The following CCDC63 variants were observed in gnomAD, a reference collection of about 807,000 sequenced individuals.
The protein encoded by CCDC63 is coiled-coil domain containing 63.
In CCDC63, 54 loss-of-function variants were observed where a neutral mutation model predicts 63.6. The observed-to-expected ratio is 0.85, with a 90% CI of 0.68 to 1.07. The LOEUF (loss-of-function observed/expected upper bound fraction) is 1.07, where lower values mean the gene tolerates loss of function less well. Ranked by LOEUF, CCDC63 falls within the 50% of genes least tolerant of loss-of-function variation. CCDC63 has a pLI of 0.00. For missense variants in CCDC63, 637 were observed against 689.6 expected (o/e 0.92, Z 0.86); for synonymous variants, 253 against 266.1 (o/e 0.95, Z 0.48).
At chr12:110,884,892 T>A (rs2071259338) in intron 8 of CCDC63, among the ~76,000 whole-genome samples, 2 of 143,070 alleles carry the variant, frequency 1.4e-5, no homozygotes, top group African/African-American at 5.3e-5. Flanking sequence ...AGAGATGGGG[T>A]TTCATCATGT....
intron 10 of CCDC63, among the ~76,000 whole-genome samples, chr12:110,901,068 T>C (rs2071479572): frequency 6.6e-6 from 1 of 152,216 alleles, no homozygotes. Context: ...GGCAAAGCAA[T>C]GTGTTAGTGT....
At chr12:110,885,513 A>AC (rs1388627706) in intron 8 of CCDC63, among the ~76,000 whole-genome samples, 6 of 152,118 alleles carry the variant, frequency 3.9e-5, no homozygotes, top group African/African-American at 1.4e-4. Context: ...TTTGGCTTCT[A>AC]CCTGCCTTTG....
intron 4 of CCDC63, among the ~76,000 whole-genome samples, chr12:110,859,097 G>A (rs1332357711): frequency 2.0e-5 from 3 of 152,104 alleles, no homozygotes; most frequent in Non-Finnish European, 2.9e-5. Flanking sequence ...ACCCCCTCAC[G>A]CATTCTTAGT....
chr12:110,875,567 T>C (rs2071119820), intron 5 of CCDC63, among the ~76,000 whole-genome samples: 1 of 152,172 alleles, frequency 6.6e-6, no homozygotes, highest in African/African-American at 2.4e-5. Flanking sequence ...TCAGATGTTC[T>C]ATTCTTCTCG....
At position 110,905,871 on chromosome 12, in the gene CCDC63, TGTG is replaced by T. The variant is rs2071554153; in HGVS notation, c.1546+1081_1546+1083del. ...ATATGTGTGTGTGTATGTGTATATA[TGTG>T]TGTGTGTATATATATAATATTATAT... On this transcript the variant is annotated intron_variant, in intron 11 of 11. Transcript: ENST00000308208. 8.8e-5 allele frequency among the ~76,000 whole-genome samples: 9 copies of T among 101,798 alleles called. No individual in the cohort carries two copies. The South Asian group carries it at 1.7e-3, about 19-fold the overall frequency. The allele number at this position is 101,798 out of a possible 152,430, so 66.8% of individuals were successfully genotyped here.
At chr12:110,894,175 C>T (rs1186930270) in intron 9 of CCDC63, among the ~76,000 whole-genome samples, 1 of 150,086 alleles carries the variant, frequency 6.7e-6, no homozygotes, top group Admixed American at 6.7e-5. Context: ...GTTGCATATA[C>T]ATTCCAGATA....
At chr12:110,867,200 C>A (rs1261924918) in intron 4 of CCDC63, among the ~76,000 whole-genome samples, 1 of 131,156 alleles carries the variant, frequency 7.6e-6, no homozygotes, top group Non-Finnish European at 1.6e-5. Context: ...CCCTCCCGGA[C>A]GGGGCGGCTG....
In CCDC63 at chr12:110,907,229, C is replaced by T; in HGVS notation, c.1547-102C>T. 8.9e-7 allele frequency: 1 copy of T among 1,126,782 alleles called. No individual in the cohort carries two copies. The highest frequency in any genetic ancestry group is 1.2e-6 in the Non-Finnish European group (1 of 809,576). 69.8% of individuals were successfully genotyped at this position (1,126,782 alleles called of 1,614,324 possible). Reference sequence around the variant, plus strand: ...CCCCTCCTTGAAACCTGAGAATTTCCATGCTCCACTCCCCAGTGCTATGGA... The same window carrying T: ...CCCCTCCTTGAAACCTGAGAATTTCTATGCTCCACTCCCCAGTGCTATGGA... On this transcript the variant is annotated intron_variant, in intron 11 of 11. Coordinates refer to ENST00000308208, the MANE Select transcript of CCDC63 (RefSeq NM_152591.3). The surrounding 1 kb of genome is among the most constrained non-coding windows in gnomAD (Gnocchi z 4.4).
chr12:110,860,335 T>A (rs2136655972), intron 4 of CCDC63, among the ~76,000 whole-genome samples: 1 of 152,298 alleles, frequency 6.6e-6, no homozygotes, highest in East Asian at 1.9e-4. Flanking sequence ...CAGTACCCCC[T>A]TCATAGCTCT....
At chr12:110,898,682 G>A (rs914247424) in intron 9 of CCDC63, among the ~76,000 whole-genome samples, 7 of 151,734 alleles carry the variant, frequency 4.6e-5, no homozygotes, top group Non-Finnish European at 8.8e-5. Context: ...AGTAAGTGAA[G>A]CAAAACTTAC....
At chr12:110,869,549 A>G (rs1024493081) in intron 4 of CCDC63, among the ~76,000 whole-genome samples, 6 of 152,124 alleles carry the variant, frequency 3.9e-5, no homozygotes, top group Non-Finnish European at 8.8e-5. Flanking sequence ...ATGGGGTTAA[A>G]TATTGATAAT....
intron 4 of CCDC63, among the ~76,000 whole-genome samples, chr12:110,867,608 G>A (rs1398157510): frequency 4.4e-5 from 6 of 137,506 alleles, no homozygotes; most frequent in South Asian, 2.3e-4. Context: ...AGACGGGGCG[G>A]CTGGCCGGGC....
Position 110,884,136 on chromosome 12 carries a change from C to G in CCDC63, c.960C>G (p.Asn320Lys). 6.2e-7 allele frequency: 1 copy of G among 1,614,128 alleles called. No individual in the cohort carries two copies. The highest frequency in any genetic ancestry group is 1.1e-5 in the South Asian group (1 of 91,074). Residue 320 changes from asparagine (N) to lysine (K), a missense_variant, in exon 8 of 12, where the codon AAC becomes AAG. By Grantham distance (94) the Asn-to-Lys change is moderately conservative. Transcript: ENST00000308208. ...LLKLAESGNLNQLIEDFLAKE... is the reference protein window; with the variant it reads ...LLKLAESGNLKQLIEDFLAKE... Reference sequence around the variant, plus strand: ...AGCTGGCTGAGAGTGGGAACCTAAACCAGCTCATTGAAGATTTTCTGGCCA... The same window carrying G: ...AGCTGGCTGAGAGTGGGAACCTAAAGCAGCTCATTGAAGATTTTCTGGCCA...
At chr12:110,892,946 C>T (rs2071375513) in intron 8 of CCDC63, 130 bp from the exon 9 acceptor site, 1 of 689,214 alleles carries the variant, frequency 1.5e-6, no homozygotes, top group African/African-American at 1.8e-5. Flanking sequence ...AAGAGGGGCC[C>T]AGGTGTTTGG....
At chr12:110,904,547 G>A in intron 10 of CCDC63, 41 bp from the exon 11 acceptor site, 1 of 1,592,190 alleles carries the variant, frequency 6.3e-7, no homozygotes, top group Non-Finnish European at 8.6e-7. Context: ...CCAGGCCCAG[G>A]TCTCTCGGCA....
At chr12:110,871,766 G>C (rs1056861280) in intron 4 of CCDC63, among the ~76,000 whole-genome samples, 2 of 151,962 alleles carry the variant, frequency 1.3e-5, no homozygotes, top group Admixed American at 6.6e-5. Context: ...TGTCTGGAAG[G>C]CTTCCTTGGT....
chr12:110,902,595 C>T (rs553379271), intron 10 of CCDC63, among the ~76,000 whole-genome samples: 1 of 152,238 alleles, frequency 6.6e-6, no homozygotes, highest in South Asian at 2.1e-4. Context: ...CTATTATTCC[C>T]TCTCACCGCA....
At chr12:110,882,334 A>C (rs1015359142) in intron 7 of CCDC63, among the ~76,000 whole-genome samples, 1 of 152,120 alleles carries the variant, frequency 6.6e-6, no homozygotes, top group Non-Finnish European at 1.5e-5. Context: ...CAAATGAGCA[A>C]GACCCCATCT....
chr12:110,844,842 T>C (rs1262316225), upstream of CCDC63, among the ~76,000 whole-genome samples: 2 of 152,184 alleles, frequency 1.3e-5, no homozygotes, highest in African/African-American at 4.8e-5. Context: ...AAAATTCATT[T>C]TGAGATAGTT....
Sources: allele counts gnomAD v4.1 joint callset (sites outside exome capture counted in the v4.1 genomes callset), GRCh38; gene constraint gnomAD v4.1.1; non-coding constraint Gnocchi (gnomAD v3.1); transcripts MANE v1.5; gene names NCBI Gene and HGNC (gene_info 2026-07-23, HGNC 2026-07-21).